Variants in SLC9D1 observed in about 807,000 individuals in gnomAD.
The protein encoded by SLC9D1 is solute carrier family 9 member D1.
chr13:113,523,106 G>A, the SLC9D1 span, among the ~76,000 whole-genome samples: 3 of 144,754 alleles, frequency 2.1e-5, no homozygotes, highest in Non-Finnish European at 4.5e-5. Context: ...AGATATTGGT[G>A]TGTAGTTCTC....
At chr13:113,546,409 G>T in the SLC9D1 span, among the ~76,000 whole-genome samples, 1 of 152,048 alleles carries the variant, frequency 6.6e-6, no homozygotes, top group African/African-American at 2.4e-5. This position sits in a 1 kb window ranked among gnomAD's most constrained non-coding sequence, Gnocchi z 7.1. Context: ...GCATGGAGGG[G>T]GCAGCTCTGA....
At chr13:113,521,308 CTG>C in the SLC9D1 span, among the ~76,000 whole-genome samples, 1 of 150,602 alleles carries the variant, frequency 6.6e-6, no homozygotes, top group Non-Finnish European at 1.5e-5. Context: ...TGGGGTATAT[CTG>C]TGTGTTTGCA....
the SLC9D1 span, among the ~76,000 whole-genome samples, chr13:113,508,904 T>C: frequency 3.3e-5 from 5 of 152,238 alleles, no homozygotes; most frequent in Admixed American, 2.6e-4. Flanking sequence ...CCAAGGTACA[T>C]TGGGGCTGGC....
chr13:113,540,846 G>A, the SLC9D1 span, among the ~76,000 whole-genome samples: 54,383 of 151,996 alleles, frequency 0.36, 10,639 homozygotes, highest in African/African-American at 0.51. Flanking sequence ...TACAGGGTTC[G>A]GCTTTACATT....
At chr13:113,498,120 TC>T in the SLC9D1 span, among the ~76,000 whole-genome samples, 1 of 152,240 alleles carries the variant, frequency 6.6e-6, no homozygotes, top group African/African-American at 2.4e-5. Flanking sequence ...AACAAATGTT[TC>T]TTACGTGTGT....
chr13:113,540,652 T>C, the SLC9D1 span, among the ~76,000 whole-genome samples: 1 of 152,250 alleles, frequency 6.6e-6, no homozygotes, highest in African/African-American at 2.4e-5. Context: ...GTCAGGTCCA[T>C]AGTTTGCAAG....
the SLC9D1 span, chr13:113,510,425 G>A: frequency 6.2e-7 from 1 of 1,610,292 alleles, no homozygotes; most frequent in South Asian, 1.1e-5. Context: ...GACAAAGAAG[G>A]TAGGTGACGG....
chr13:113,547,268 C>T, the SLC9D1 span: 22 of 1,562,778 alleles, frequency 1.4e-5, no homozygotes, highest in Non-Finnish European at 1.8e-5. Context: ...GGCTGTCCTG[C>T]GGTCGTAACG....
chr13:113,543,261 A>C, the SLC9D1 span, among the ~76,000 whole-genome samples: 1 of 6,816 alleles, frequency 1.5e-4, no homozygotes, highest in Non-Finnish European at 2.4e-4. Flanking sequence ...TGTTACCCCC[A>C]CCTCCTCTCC....
chr13:113,535,513 A>G, the SLC9D1 span, among the ~76,000 whole-genome samples: 1 of 152,218 alleles, frequency 6.6e-6, no homozygotes, highest in African/African-American at 2.4e-5. This position sits in a 1 kb window ranked among gnomAD's most constrained non-coding sequence, Gnocchi z 4.1. Flanking sequence ...ACAGGTGTTT[A>G]TAGCAGCTTT....
the SLC9D1 span, chr13:113,548,293 G>T: frequency 8.7e-6 from 14 of 1,613,530 alleles, no homozygotes; most frequent in Non-Finnish European, 1.1e-5. Flanking sequence ...GTAATGAACC[G>T]CTCTTGCAGT....
the SLC9D1 span, among the ~76,000 whole-genome samples, chr13:113,541,306 T>G: frequency 6.7e-6 from 1 of 149,392 alleles, no homozygotes; most frequent in Non-Finnish European, 1.5e-5. Flanking sequence ...ATCACTGCCA[T>G]GCTTTATTAC....
chr13:113,545,062 G>A, the SLC9D1 span, among the ~76,000 whole-genome samples: 3 of 151,948 alleles, frequency 2.0e-5, no homozygotes, highest in Admixed American at 6.6e-5. Flanking sequence ...CAGGCAGCTG[G>A]CTCTGGGACA....
At chr13:113,532,781 T>G in the SLC9D1 span, among the ~76,000 whole-genome samples, 1,017 of 145,628 alleles carry the variant, frequency 7.0e-3, 8 homozygotes, top group African/African-American at 0.025. Context: ...GCCTCCCTCC[T>G]TCTAAGTCGC....
chr13:113,522,895 G>A, the SLC9D1 span, among the ~76,000 whole-genome samples: 1 of 152,342 alleles, frequency 6.6e-6, no homozygotes, highest in East Asian at 1.9e-4. Context: ...CTCCCAAAGT[G>A]CTGGGATTAC....
the SLC9D1 span, chr13:113,534,408 T>C: frequency 3.1e-5 from 20 of 638,240 alleles, no homozygotes; most frequent in African/African-American, 3.1e-4. Flanking sequence ...CATCAAAATA[T>C]AATACAGGGA....
At chr13:113,508,169 A>G in the SLC9D1 span, among the ~76,000 whole-genome samples, 1,516 of 152,346 alleles carry the variant, frequency 1.0e-2, 25 homozygotes, top group African/African-American at 0.035. Context: ...TAATAACGTC[A>G]GACAAGGTTC....
At chr13:113,532,386 G>T in the SLC9D1 span, among the ~76,000 whole-genome samples, 1 of 152,194 alleles carries the variant, frequency 6.6e-6, no homozygotes, top group Non-Finnish European at 1.5e-5. Context: ...GTCTAGGGTA[G>T]GGACCTCCCA....
At chr13:113,546,030 C>T in the SLC9D1 span, 1 of 152,332 alleles carries the variant, frequency 6.6e-6, no homozygotes, top group Non-Finnish European at 1.5e-5. The surrounding 1 kb of genome is among the most constrained non-coding windows in gnomAD (Gnocchi z 7.1). Flanking sequence ...CCCGGAACGC[C>T]CAAGGTGGGG....
Sources: gnomAD v4.1 joint callset for allele counts (sites outside exome capture counted in the v4.1 genomes callset) on GRCh38, gnomAD v4.1.1 for gene constraint, Gnocchi (gnomAD v3.1) non-coding constraint, MANE v1.5 for transcripts, NCBI Gene and HGNC (gene_info 2026-07-23, HGNC 2026-07-21) for gene names.